Variants in DLGAP5 observed in about 807,000 individuals in gnomAD.
The protein encoded by DLGAP5 is disks large-associated protein 5.
A neutral mutation model predicts 99.6 loss-of-function variants in DLGAP5; 90 were observed. The ratio of observed to expected loss-of-function variants is 0.90; its 90% confidence interval spans 0.76 to 1.08. The LOEUF (loss-of-function observed/expected upper bound fraction) is 1.08. Among genes scored for constraint, DLGAP5 ranks in the 50% least tolerant of loss-of-function variants. The pLI, the probability that DLGAP5 is intolerant of heterozygous loss-of-function variation, is 0.00. For synonymous variants in DLGAP5, 311 were observed against 321.3 expected (o/e 0.97, Z 0.34); for missense variants, 1,036 against 983.5 (o/e 1.05, Z -0.71).
At chr14:55,174,694 G>GAT (rs200348036) in intron 10 of DLGAP5, among the ~76,000 whole-genome samples, 8,845 of 151,210 alleles carry the variant, frequency 0.058, 316 homozygotes, top group South Asian at 0.091. Flanking sequence ...TATGTATATA[G>GAT]ATATATATAT....
Position 55,177,186 on chromosome 14 carries a change from G to A in DLGAP5, c.925C>T (p.Pro309Ser). ...AGTGGCTGAAACATAAAATCCTTAGGTGCAAAGGAATTCTTCCCTTTTATT... is the reference window on the plus strand; with the variant it reads ...AGTGGCTGAAACATAAAATCCTTAGATGCAAAGGAATTCTTCCCTTTTATT... ...AKIKGKNSFA[P>S]KDFMFQPLDG... The change falls in exon 8 of 19, where the codon CCT (proline) becomes TCT (serine). Residue 309 changes from proline to serine, a missense_variant. Coordinates refer to ENST00000247191, the MANE Select transcript of DLGAP5 (RefSeq NM_014750.5). 2 of 1,613,542 alleles carry A rather than the reference G, an allele frequency of 1.2e-6. No homozygotes were observed. The highest frequency in any genetic ancestry group is 1.1e-5 in the South Asian group (1 of 91,004).
chr14:55,159,043 A>AC (rs34645298), intron 13 of DLGAP5, among the ~76,000 whole-genome samples: 2,372 of 136,032 alleles, frequency 0.017, 51 homozygotes, highest in African/African-American at 0.049. Context: ...TAACCATGAC[A>AC]CCCCCCCCCC....
intron 2 of DLGAP5, among the ~76,000 whole-genome samples, chr14:55,184,622 T>C (rs1240160325): frequency 1.3e-5 from 2 of 152,160 alleles, no homozygotes; most frequent in African/African-American, 2.4e-5. Flanking sequence ...AGTGTTTGCC[T>C]TGCTCTCTCT....
At chr14:55,165,414 T>C (rs1882601995) in intron 12 of DLGAP5, among the ~76,000 whole-genome samples, 1 of 151,906 alleles carries the variant, frequency 6.6e-6, no homozygotes, top group Non-Finnish European at 1.5e-5. Flanking sequence ...TCTCAGCAAC[T>C]TGGGAGGCTG....
chr14:55,185,592 T>C (rs1156600220), intron 2 of DLGAP5, among the ~76,000 whole-genome samples: 1 of 152,176 alleles, frequency 6.6e-6, no homozygotes, highest in African/African-American at 2.4e-5. Context: ...GTTCAAGCAA[T>C]TCTGCCTCAG....
chr14:55,191,020 G>T (rs1345181213), intron 1 of DLGAP5: 4 of 152,168 alleles, frequency 2.6e-5, no homozygotes, highest in African/African-American at 7.2e-5. Context: ...ATATCTAAAA[G>T]GTGGTGAAGC....
At chr14:55,148,881 G>T (rs1349870791) in intron 18 of DLGAP5, among the ~76,000 whole-genome samples, 1 of 152,110 alleles carries the variant, frequency 6.6e-6, no homozygotes, top group African/African-American at 2.4e-5. Context: ...AGTGTATGCA[G>T]AATGAATAAA....
rs76854375 is a variant in DLGAP5 at position 55,152,504 on chromosome 14, C to G, written c.2121+86G>C. On this transcript the variant is annotated intron_variant, in intron 16 of 18. Coordinates refer to ENST00000247191, the MANE Select transcript of DLGAP5 (RefSeq NM_014750.5). ...CTGATTTAGATTTCCAACGGAAATT[C>G]TGGGGATGCTTTACAAAGTTACTTT... 3,267 of 1,009,300 alleles carry G rather than the reference C, an allele frequency of 3.2e-3. 78 individuals are homozygous for G. The African/African-American group carries it at 0.047, about 15-fold the overall frequency. The allele number at this position is 1,009,300 out of a possible 1,614,324, so 62.5% of individuals were successfully genotyped here.
Position 55,169,391 on chromosome 14 carries a change from C to A in DLGAP5, c.1548+8G>T. The A allele has an allele frequency of 6.9e-7, 1 of 1,444,398 alleles. No individual in the cohort carries two copies. Among genetic ancestry groups the A allele is most frequent in the Non-Finnish European group, 9.1e-7 (1 of 1,093,092 alleles). 89.5% of individuals were successfully genotyped at this position (1,444,398 alleles called of 1,614,324 possible). A position where few individuals can be genotyped will look rare whatever the true frequency, so the allele number is the denominator to read the frequency against. Reference sequence around the variant, plus strand: ...AAGTTAATATATTTGAAATATTGAACCACATACCTGAAAACTAACCATATC... The same window carrying A: ...AAGTTAATATATTTGAAATATTGAAACACATACCTGAAAACTAACCATATC... On this transcript the variant is annotated splice_region_variant and intron_variant, in intron 12 of 18. Coordinates refer to ENST00000247191, the MANE Select transcript of DLGAP5 (RefSeq NM_014750.5).
intron 13 of DLGAP5, among the ~76,000 whole-genome samples, chr14:55,162,253 C>A (rs1882472037): frequency 6.6e-6 from 1 of 152,126 alleles, no homozygotes; most frequent in Admixed American, 6.5e-5. Context: ...TAATATTTGA[C>A]ACATACTAAG....
chr14:55,163,279 T>C (rs1033955334), intron 12 of DLGAP5, among the ~76,000 whole-genome samples: 11 of 152,220 alleles, frequency 7.2e-5, no homozygotes, highest in African/African-American at 2.7e-4. Flanking sequence ...ACCTCCAAAA[T>C]CTACATAAAG....
At chr14:55,156,685 A>C (rs1409258863) in intron 14 of DLGAP5, among the ~76,000 whole-genome samples, 1 of 152,192 alleles carries the variant, frequency 6.6e-6, no homozygotes, top group Non-Finnish European at 1.5e-5. Flanking sequence ...ATTCCCGAGG[A>C]AAGCCTCTAA....
chr14:55,186,763 A>G (rs1402007770), intron 2 of DLGAP5, among the ~76,000 whole-genome samples: 2 of 152,242 alleles, frequency 1.3e-5, no homozygotes, highest in Non-Finnish European at 2.9e-5. Flanking sequence ...TCTCACCTCT[A>G]TTATACTTGA....
chr14:55,168,372 A>G (rs1332664265), intron 12 of DLGAP5, among the ~76,000 whole-genome samples: 1 of 152,200 alleles, frequency 6.6e-6, no homozygotes, highest in African/African-American at 2.4e-5. Context: ...TTTTTACTTG[A>G]CAGATGAAAC....
chr14:55,175,377 C>T lies in DLGAP5; in HGVS notation c.1270G>A (p.Ala424Thr). The change falls in exon 10 of 19, where the codon GCT (alanine) becomes ACT (threonine). Residue 424 changes from alanine (A) to threonine (T), a missense_variant. Coordinates refer to ENST00000247191, the MANE Select transcript of DLGAP5 (RefSeq NM_014750.5). ...PSLERNEGRIAQPHHGVPYFR... is the reference protein window; with the variant it reads ...PSLERNEGRITQPHHGVPYFR... ...TATGGCACACCATGGTGGGGCTGAG[C>T]AATTCGACCTTCATTTCTTTCAAGT... 1.2e-6 allele frequency: 2 copies of T among 1,610,132 alleles called. No individual in the cohort carries two copies. The highest frequency in any genetic ancestry group is 1.7e-6 in the Non-Finnish European group (2 of 1,178,738).
chr14:55,155,473 A>G (rs1882181366), intron 14 of DLGAP5, among the ~76,000 whole-genome samples: 1 of 149,594 alleles, frequency 6.7e-6, no homozygotes, highest in Admixed American at 6.7e-5. Context: ...CAGCCTCCCG[A>G]GTAGCTGGGA....
At chr14:55,174,596 T>C (rs574923811) in intron 10 of DLGAP5, among the ~76,000 whole-genome samples, 46 of 152,278 alleles carry the variant, frequency 3.0e-4, no homozygotes, top group African/African-American at 9.4e-4. Flanking sequence ...CTTTTTGTAC[T>C]CTGTCCCTTT....
chr14:55,172,044 G>C (rs572281180), intron 10 of DLGAP5, among the ~76,000 whole-genome samples: 6 of 152,186 alleles, frequency 3.9e-5, no homozygotes, highest in African/African-American at 7.2e-5. Context: ...TGTATTTTTA[G>C]TAGAGATGGG....
chr14:55,183,881 G>T (rs767854669), intron 2 of DLGAP5, 128 bp from the exon 3 acceptor site: 18 of 936,032 alleles, frequency 1.9e-5, no homozygotes, highest in Non-Finnish European at 2.5e-5. Flanking sequence ...GGCCAGGCAC[G>T]GTGGCTCACG....
Sources: allele counts gnomAD v4.1 joint callset (sites outside exome capture counted in the v4.1 genomes callset), GRCh38; gene constraint gnomAD v4.1.1; transcripts MANE v1.5; gene names NCBI Gene and HGNC (gene_info 2026-07-23, HGNC 2026-07-21).